The following ATP11A variants were observed in gnomAD, a reference collection of about 807,000 sequenced individuals.
ATP11A encodes the protein ATPase phospholipid transporting 11A.
In ATP11A, 81 loss-of-function variants were observed where a neutral mutation model predicts 154.4. The ratio of observed to expected loss-of-function variants is 0.52; its 90% confidence interval spans 0.44 to 0.63. The LOEUF (loss-of-function observed/expected upper bound fraction) is 0.63, where lower values mean the gene tolerates loss of function less well. Among genes scored for constraint, ATP11A ranks in the 30% least tolerant of loss-of-function variants. The pLI is 0.00. For missense variants in ATP11A, 1,316 were observed against 1,474.3 expected, an observed-to-expected ratio of 0.89 and a Z score of 1.76; for synonymous variants, 623 against 585.9, an observed-to-expected ratio of 1.06 and a Z score of -0.91.
At chr13:112,850,601 A>G (rs1384143282) in intron 17 of ATP11A, among the ~76,000 whole-genome samples, 3 of 152,208 alleles carry the variant, frequency 2.0e-5, no homozygotes, top group Non-Finnish European at 4.4e-5. Context: ...CAAACTTCCC[A>G]CATAAAACAT....
chr13:112,872,962 G>A (rs2080577868), intron 26 of ATP11A, among the ~76,000 whole-genome samples: 2 of 149,524 alleles, frequency 1.3e-5, no homozygotes, highest in African/African-American at 5.1e-5. Flanking sequence ...TGTGAGGTGT[G>A]GCTTTGTCTT....
At chr13:112,758,227 A>G (rs1050674998) in intron 1 of ATP11A, among the ~76,000 whole-genome samples, 18 of 151,378 alleles carry the variant, frequency 1.2e-4, no homozygotes, top group African/African-American at 4.4e-4. Context: ...ATGCCTGGCT[A>G]GTTTTTGTAT....
chr13:112,779,114 A>ACTGGAGTGAGTAGCCG (rs71101527), intron 1 of ATP11A, among the ~76,000 whole-genome samples: 2 of 74,196 alleles, frequency 2.7e-5, no homozygotes, highest in Non-Finnish European at 4.9e-5. Flanking sequence ...GTGAGTAGCC[A>ACTGGAGTGAGTAGCCG]CTGGAGTGAG....
Position 112,810,740 on chromosome 13 carries a change from G to A in ATP11A, c.441+14G>A, listed in dbSNP as rs775658560. 1.8e-5 allele frequency: 29 copies of A among 1,610,690 alleles called. No homozygotes were observed. In the South Asian group the frequency reaches 2.2e-4, roughly 12 times the overall value. ...CGAAAGCTGCGAGTAAGTGACACCC[G>A]ACACATTTACGCTGGTGAAGTCCAG... On this transcript the variant is annotated intron_variant, in intron 5 of 29. Transcript: ENST00000375645.
chr13:112,779,211 A>T (rs1425341846), intron 1 of ATP11A, among the ~76,000 whole-genome samples: 2 of 134,636 alleles, frequency 1.5e-5, no homozygotes, highest in East Asian at 4.7e-4. Flanking sequence ...CACTGGAGTG[A>T]GTAGCCGCTG....
chr13:112,855,956 T>A lies in ATP11A; in HGVS notation c.2289T>A (p.Ala763=). ...ACTACGGTTTAATTATCGACGGAGCTGCACTGTCTCTGATAATGAAGCCTC... is the reference window on the plus strand; with the variant it reads ...ACTACGGTTTAATTATCGACGGAGCAGCACTGTCTCTGATAATGAAGCCTC... ...MQDYGLIIDG[A]ALSLIMKPRE... The change falls in exon 20 of 30, where the codon GCT becomes GCA. Residue 763 remains alanine (A), a synonymous_variant. Transcript: ENST00000375645. The A allele has an allele frequency of 6.2e-7, 1 of 1,614,226 alleles. No homozygotes were observed. The highest frequency in any genetic ancestry group is 8.5e-7 in the Non-Finnish European group (1 of 1,180,032).
At position 112,855,898 on chromosome 13, in the gene ATP11A, C is replaced by T. The variant is rs377649428; in HGVS notation, c.2244-13C>T. On this transcript the variant is annotated splice_polypyrimidine_tract_variant and intron_variant, in intron 19 of 29. Transcript: ENST00000375645. ...GTGATTGAGCAATCTTTCTGACTCACGTACTCTAACAGACTTTCAGCAGAT... is the reference window on the plus strand; with the variant it reads ...GTGATTGAGCAATCTTTCTGACTCATGTACTCTAACAGACTTTCAGCAGAT... 8 of 1,595,404 alleles carry T rather than the reference C, an allele frequency of 5.0e-6. No homozygotes were observed. In the East Asian group the frequency reaches 6.7e-5, roughly 13 times the overall value.
chr13:112,709,407 C>G (rs1887497106), intron 1 of ATP11A, among the ~76,000 whole-genome samples: 1 of 152,192 alleles, frequency 6.6e-6, no homozygotes, highest in Non-Finnish European at 1.5e-5. Flanking sequence ...AATCCTCTTC[C>G]CCCTTTGTTT....
intron 1 of ATP11A, among the ~76,000 whole-genome samples, chr13:112,769,753 G>A (rs965237886): frequency 7.9e-5 from 12 of 152,188 alleles, no homozygotes; most frequent in Admixed American, 6.5e-5. Context: ...GTGCCCTGTG[G>A]TGAAGAGGAG....
At position 112,836,234 on chromosome 13, in the gene ATP11A, T is replaced by C; in HGVS notation, c.1688T>C (p.Ile563Thr). Residue 563 changes from isoleucine (I) to threonine (T), a missense_variant, in exon 16 of 30, where the codon ATT becomes ACT. Ile to Thr is a moderately conservative substitution (Grantham distance 89). Around this residue, in one of 5 missense-constraint regions of ATP11A, gnomAD observed 876 missense variants for 1,006.8 expected, o/e 0.87. Coordinates refer to ENST00000375645, the MANE Select transcript of ATP11A (RefSeq NM_015205.3). ...TCAGTCAGAAGGAGAATGAGTGTAA[T>C]TGTAAAATCTGCTACAGGTAAAATT... ...FDSVRRRMSVIVKSATGEIYL... is the reference protein window; with the variant it reads ...FDSVRRRMSVTVKSATGEIYL... The C allele has an allele frequency of 6.2e-7, 1 of 1,609,468 alleles. No homozygotes were observed. Among genetic ancestry groups the C allele is most frequent in the Non-Finnish European group, 8.5e-7 (1 of 1,176,616 alleles).
chr13:112,810,740 G>C lies in ATP11A; in HGVS notation c.441+14G>C. ...CGAAAGCTGCGAGTAAGTGACACCC[G>C]ACACATTTACGCTGGTGAAGTCCAG... On this transcript the variant is annotated intron_variant, in intron 5 of 29. Transcript: ENST00000375645. 5 of 1,610,810 alleles carry C rather than the reference G, an allele frequency of 3.1e-6. No individual in the cohort carries two copies. Among genetic ancestry groups the C allele is most frequent in the Non-Finnish European group, 4.2e-6 (5 of 1,177,126 alleles).
At chr13:112,776,027 C>T (rs2077340587) in intron 1 of ATP11A, among the ~76,000 whole-genome samples, 1 of 152,248 alleles carries the variant, frequency 6.6e-6, no homozygotes, top group African/African-American at 2.4e-5. Context: ...CCCTTCCCGC[C>T]TCCCTGGCCC....
At chr13:112,750,873 T>C (rs1159515451) in intron 1 of ATP11A, among the ~76,000 whole-genome samples, 1 of 152,250 alleles carries the variant, frequency 6.6e-6, no homozygotes, top group African/African-American at 2.4e-5. Flanking sequence ...ATTACCGTCA[T>C]CATGATATTT....
At chr13:112,788,893 A>C (rs895158491) in intron 2 of ATP11A, among the ~76,000 whole-genome samples, 1 of 151,156 alleles carries the variant, frequency 6.6e-6, no homozygotes, top group Admixed American at 6.6e-5. Context: ...TCCTATGTAG[A>C]CCTATTTAAT....
intron 12 of ATP11A, among the ~76,000 whole-genome samples, chr13:112,827,971 A>G (rs1024372490): frequency 6.6e-6 from 1 of 152,278 alleles, no homozygotes; most frequent in Admixed American, 6.5e-5. Flanking sequence ...ATTTTTATCT[A>G]GGAATATTCT....
At chr13:112,831,991 CACAG>C (rs1392495698) in intron 13 of ATP11A, among the ~76,000 whole-genome samples, 2 of 152,000 alleles carry the variant, frequency 1.3e-5, no homozygotes, top group East Asian at 3.9e-4. Context: ...CGTGTGCACA[CACAG>C]ACACACATGC....
Position 112,725,984 on chromosome 13 carries a change from G to A in ATP11A, c.39+35529G>A, listed in dbSNP as rs920260870. On this transcript the variant is annotated intron_variant, in intron 1 of 29. Transcript: ENST00000375645. ...GCGGTGGCCCTGGGGCCTGCTCACCGCACCTCTGTGCCAAGCAAGCTTTGT... is the reference window on the plus strand; with the variant it reads ...GCGGTGGCCCTGGGGCCTGCTCACCACACCTCTGTGCCAAGCAAGCTTTGT... Among the ~76,000 whole-genome samples the A allele has an allele frequency of 7.9e-5, 12 of 152,264 alleles. No individual in the cohort carries two copies. In the South Asian group the frequency reaches 1.0e-3, roughly 13 times the overall value.
At chr13:112,868,165 G>T (rs1225813925) in intron 25 of ATP11A, among the ~76,000 whole-genome samples, 1 of 152,246 alleles carries the variant, frequency 6.6e-6, no homozygotes, top group African/African-American at 2.4e-5. Flanking sequence ...ACGGTTAAAA[G>T]CTCGGAACGT....
chr13:112,723,766 A>AT (rs1889490111), intron 1 of ATP11A, among the ~76,000 whole-genome samples: 1 of 151,956 alleles, frequency 6.6e-6, no homozygotes, highest in Non-Finnish European at 1.5e-5. Context: ...TTAGGATTTT[A>AT]TTTTTAGTTT....
Sources: gnomAD v4.1 joint callset for allele counts (sites outside exome capture counted in the v4.1 genomes callset) on GRCh38, gnomAD v4.1.1 for gene constraint, gnomAD v4.1.1 regional missense constraint, MANE v1.5 for transcripts, NCBI Gene and HGNC (gene_info 2026-07-23, HGNC 2026-07-21) for gene names.